The following CLEC19A variants were observed in gnomAD, a reference collection of about 807,000 sequenced individuals.
The protein encoded by CLEC19A is C-type lectin domain family 19 member A.
In CLEC19A, 21 loss-of-function variants were observed where a neutral mutation model predicts 26.1. That is an observed-to-expected ratio of 0.80 (90% confidence interval 0.57 to 1.16). The LOEUF is 1.16. Among genes scored for constraint, CLEC19A ranks in the 50% most tolerant of loss-of-function variants. The pLI, the probability that CLEC19A is intolerant of heterozygous loss-of-function variation, is 0.00. For synonymous variants in CLEC19A, 89 were observed against 88.6 expected (o/e 1.00, Z -0.03); for missense variants, 224 against 227.6 (o/e 0.98, Z 0.10).
intron 3 of CLEC19A, among the ~76,000 whole-genome samples, chr16:19,305,439 G>T (rs775203112): frequency 4.6e-5 from 7 of 152,170 alleles, no homozygotes; most frequent in Non-Finnish European, 8.8e-5. Context: ...CCAGATCTCT[G>T]CAATGTCACA....
chr16:19,289,484 G>A (rs1897536921), intron 1 of CLEC19A, among the ~76,000 whole-genome samples: 1 of 152,184 alleles, frequency 6.6e-6, no homozygotes, highest in Non-Finnish European at 1.5e-5. Flanking sequence ...GTCTGTTCAG[G>A]AGTTTCTGAA....
At position 19,310,648 on chromosome 16, in the gene CLEC19A, T is replaced by G. The variant is rs2143011933; in HGVS notation, c.*1565T>G. The G allele has an allele frequency of 6.6e-6, 1 of 152,344 alleles. No homozygotes were observed. Among genetic ancestry groups the G allele is most frequent in the African/African-American group, 2.4e-5 (1 of 41,578 alleles). 9.4% of individuals were successfully genotyped at this position (152,344 alleles called of 1,614,324 possible). A position where few individuals can be genotyped will look rare whatever the true frequency, so the allele number is the denominator to read the frequency against. ...TGAAGTAACGATAGATACTACAACC[T>G]GAATGAACCTGAAAAACATTATGCT... is the stretch of plus-strand genomic sequence containing the variant. On this transcript the variant is annotated 3_prime_UTR_variant, in exon 5 of 5. Transcript: ENST00000636231.
chr16:19,308,397 A>G (rs1165605795), intron 4 of CLEC19A, among the ~76,000 whole-genome samples: 3 of 152,204 alleles, frequency 2.0e-5, no homozygotes, highest in African/African-American at 4.8e-5. Context: ...GTGGCTAATG[A>G]TACTTAACTC....
At chr16:19,306,902 T>C (rs1897968555) in intron 3 of CLEC19A, among the ~76,000 whole-genome samples, 3 of 152,176 alleles carry the variant, frequency 2.0e-5, no homozygotes, top group South Asian at 2.1e-4. Context: ...ATCAGTGCTT[T>C]GGGGGTACTT....
intron 1 of CLEC19A, among the ~76,000 whole-genome samples, chr16:19,295,921 G>A (rs79131687): frequency 3.3e-5 from 5 of 152,116 alleles, no homozygotes; most frequent in African/African-American, 7.2e-5. Flanking sequence ...GGCCATTGAC[G>A]CTTTAACGCA....
At chr16:19,299,885 AG>A (rs1193013889) in intron 2 of CLEC19A, among the ~76,000 whole-genome samples, 1 of 152,196 alleles carries the variant, frequency 6.6e-6, no homozygotes, top group Non-Finnish European at 1.5e-5. Context: ...TACTTTAGAA[AG>A]GGGGTTGGTT....
chr16:19,295,413 G>A (rs1305832684), intron 1 of CLEC19A, among the ~76,000 whole-genome samples: 2 of 152,094 alleles, frequency 1.3e-5, no homozygotes, highest in Non-Finnish European at 2.9e-5. Flanking sequence ...ATGTTGCCCA[G>A]TCTAGTCTTG....
At chr16:19,299,221 T>C (rs913841679) in intron 2 of CLEC19A, among the ~76,000 whole-genome samples, 4 of 152,208 alleles carry the variant, frequency 2.6e-5, no homozygotes, top group Admixed American at 2.0e-4. Context: ...CTGTATCCTG[T>C]GATACAACTG....
At chr16:19,304,790 A>T (rs537896366) in intron 3 of CLEC19A, 11 of 152,782 alleles carry the variant, frequency 7.2e-5, no homozygotes, top group African/African-American at 2.6e-4. Flanking sequence ...GGAAGGAGGC[A>T]TAAGTAGGCA....
At position 19,309,110 on chromosome 16, in the gene CLEC19A, T is replaced by C. The variant is rs1898015107; in HGVS notation, c.*27T>C. ...CCTGTCTTGTCCTACTGGTGTGAGC[T>C]CAACTCTAGTATCATCTTGTAGCTG... On this transcript the variant is annotated 3_prime_UTR_variant, in exon 5 of 5. Transcript: ENST00000636231. The C allele has an allele frequency of 6.7e-7, 1 of 1,482,996 alleles. No individual in the cohort carries two copies. Among genetic ancestry groups the C allele is most frequent in the East Asian group, 2.5e-5 (1 of 40,620 alleles). The allele number at this position is 1,482,996 out of a possible 1,614,324, so 91.9% of individuals were successfully genotyped here.
chr16:19,292,289 C>G (rs1897606548), intron 1 of CLEC19A, among the ~76,000 whole-genome samples: 1 of 152,116 alleles, frequency 6.6e-6, no homozygotes, highest in Admixed American at 6.5e-5. Flanking sequence ...TTTGGAAGGC[C>G]TGGGGTGGGG....
In CLEC19A at chr16:19,310,167, G is replaced by A. The variant is rs774727889; in HGVS notation, c.*1084G>A. Reference sequence around the variant, plus strand: ...CTCGACCTAAGAGAATCGGAAACAGGTATTTAAATATAAGTGGTCGGCCAG... The same window carrying A: ...CTCGACCTAAGAGAATCGGAAACAGATATTTAAATATAAGTGGTCGGCCAG... On this transcript the variant is annotated 3_prime_UTR_variant, in exon 5 of 5. Coordinates refer to ENST00000636231, the MANE Select transcript of CLEC19A (RefSeq NM_001256720.2). The A allele has an allele frequency of 6.6e-6, 1 of 151,220 alleles. No homozygotes were observed. Among genetic ancestry groups the A allele is most frequent in the Non-Finnish European group, 1.5e-5 (1 of 67,900 alleles). The allele number at this position is 151,220 out of a possible 1,614,324, so 9.4% of individuals were successfully genotyped here. A position where few individuals can be genotyped will look rare whatever the true frequency, so the allele number is the denominator to read the frequency against.
At chr16:19,292,934 T>C (rs1227922504) in intron 1 of CLEC19A, among the ~76,000 whole-genome samples, 1 of 152,086 alleles carries the variant, frequency 6.6e-6, no homozygotes, top group Non-Finnish European at 1.5e-5. Flanking sequence ...GGTCAGGCTG[T>C]TCCAAGGAGG....
Position 19,307,610 on chromosome 16 carries a change from A to G in CLEC19A, c.414A>G (p.Pro138=), listed in dbSNP as rs903941188. Residue 138 remains proline (P), a synonymous_variant, in exon 4 of 5, where the codon CCA becomes CCG. Transcript: ENST00000636231. ...ACAGCTACTGGGATGGCAGCCAGCCAGATGATGGCGTCCACGCGGACCCAG... is the reference window on the plus strand; with the variant it reads ...ACAGCTACTGGGATGGCAGCCAGCCGGATGATGGCGTCCACGCGGACCCAG... ...YDYSYWDGSQ[P]DDGVHADPEE... The G allele has an allele frequency of 9.7e-6, 15 of 1,548,396 alleles. No homozygotes were observed. The highest frequency in any genetic ancestry group is 1.3e-5 in the Non-Finnish European group (15 of 1,146,814).
chr16:19,301,753 T>TTTTTTTTTTTTTTTTG (rs1897837025), intron 2 of CLEC19A, among the ~76,000 whole-genome samples: 1 of 132,254 alleles, frequency 7.6e-6, no homozygotes, highest in Non-Finnish European at 1.6e-5. Flanking sequence ...TTTTTTTTTT[T>TTTTTTTTTTTTTTTTG]TTTTTTTTTT....
At chr16:19,297,191 A>G (rs179210) in intron 1 of CLEC19A, among the ~76,000 whole-genome samples, 10,561 of 152,324 alleles carry the variant, frequency 0.069, 508 homozygotes, top group East Asian at 0.28. Flanking sequence ...TTTAGAATTA[A>G]GAACAAATCC....
At chr16:19,306,095 A>G (rs111532635) in intron 3 of CLEC19A, among the ~76,000 whole-genome samples, 26,646 of 151,160 alleles carry the variant, frequency 0.18, 2,779 homozygotes, top group Non-Finnish European at 0.22. Context: ...CGCCCGCCTC[A>G]GCCTCCCAAA....
intron 1 of CLEC19A, among the ~76,000 whole-genome samples, chr16:19,286,167 A>G (rs1302271370): frequency 2.0e-5 from 3 of 152,192 alleles, no homozygotes; most frequent in Non-Finnish European, 4.4e-5. Context: ...TGTGACATAG[A>G]GGAAGTTTCT....
intron 1 of CLEC19A, among the ~76,000 whole-genome samples, chr16:19,296,030 AC>A (rs913644553): frequency 6.6e-6 from 1 of 152,078 alleles, no homozygotes; most frequent in Admixed American, 6.5e-5. Flanking sequence ...GTGCCCACTT[AC>A]CTCCCCCAGC....
Sources: allele counts gnomAD v4.1 joint callset (sites outside exome capture counted in the v4.1 genomes callset), GRCh38; gene constraint gnomAD v4.1.1; transcripts MANE v1.5; gene names NCBI Gene and HGNC (gene_info 2026-07-23, HGNC 2026-07-21).